The following PXDNL variants were observed in gnomAD, a reference collection of about 807,000 sequenced individuals.
PXDNL encodes probable oxidoreductase PXDNL.
Under a neutral mutation model 150.8 loss-of-function variants are expected in PXDNL, and 145 were observed. The observed-to-expected ratio is 0.96, with a 90% CI of 0.84 to 1.10. PXDNL has a LOEUF of 1.10. Ranked by LOEUF, PXDNL falls within the 50% of genes least tolerant of loss-of-function variation. PXDNL has a pLI of 0.00. For synonymous variants in PXDNL, 757 were observed against 725.7 expected, an observed-to-expected ratio of 1.04 and a Z score of -0.69; for missense variants, 2,087 against 1,873.9, an observed-to-expected ratio of 1.11 and a Z score of -2.10.
chr8:51,405,662 A>G (rs1454383191), intron 17 of PXDNL, among the ~76,000 whole-genome samples: 1 of 152,242 alleles, frequency 6.6e-6, no homozygotes, highest in East Asian at 1.9e-4. Flanking sequence ...AACTGACCGT[A>G]AAAACCATTT....
chr8:51,594,642 A>G (rs1251252394), intron 2 of PXDNL, among the ~76,000 whole-genome samples: 1 of 152,192 alleles, frequency 6.6e-6, no homozygotes, highest in Non-Finnish European at 1.5e-5. Flanking sequence ...TTTATTGCTG[A>G]CAAGAAATCA....
At chr8:51,381,098 A>G (rs959436350) in intron 17 of PXDNL, among the ~76,000 whole-genome samples, 5 of 152,152 alleles carry the variant, frequency 3.3e-5, no homozygotes, top group African/African-American at 9.7e-5. Flanking sequence ...CTTGCCTCGT[A>G]CTGTTATTGT....
At chr8:51,640,924 T>C (rs1563492342) in intron 2 of PXDNL, among the ~76,000 whole-genome samples, 1 of 152,070 alleles carries the variant, frequency 6.6e-6, no homozygotes, top group Non-Finnish European at 1.5e-5. Flanking sequence ...AGAACAAAGC[T>C]GGAGGCATCA....
intron 3 of PXDNL, among the ~76,000 whole-genome samples, chr8:51,559,777 G>A (rs1306971376): frequency 6.6e-6 from 1 of 151,934 alleles, no homozygotes; most frequent in African/African-American, 2.4e-5. Context: ...AAATGAGTGG[G>A]AGAAAGCACC....
At chr8:51,561,247 A>C (rs1340788554) in intron 3 of PXDNL, among the ~76,000 whole-genome samples, 1 of 151,956 alleles carries the variant, frequency 6.6e-6, no homozygotes, top group Non-Finnish European at 1.5e-5. Context: ...TTCCTAGGCA[A>C]ATATACTTCT....
chr8:51,593,666 A>G (rs1307973752), intron 2 of PXDNL, among the ~76,000 whole-genome samples: 1 of 152,182 alleles, frequency 6.6e-6, no homozygotes, highest in Non-Finnish European at 1.5e-5. Context: ...GAGATCCCCA[A>G]GCTCATCTGT....
chr8:51,372,707 T>C (rs573091617), intron 18 of PXDNL, among the ~76,000 whole-genome samples: 1 of 152,348 alleles, frequency 6.6e-6, no homozygotes, highest in African/African-American at 2.4e-5. Flanking sequence ...TTAAATTCCA[T>C]GAACTAACCT....
chr8:51,603,121 T>G (rs1475616304), intron 2 of PXDNL, among the ~76,000 whole-genome samples: 1 of 151,940 alleles, frequency 6.6e-6, no homozygotes, highest in African/African-American at 2.4e-5. Flanking sequence ...CCAACATGTA[T>G]CTGGTTCCCT....
chr8:51,507,281 T>C (rs1811316271), intron 4 of PXDNL, among the ~76,000 whole-genome samples: 1 of 152,214 alleles, frequency 6.6e-6, no homozygotes, highest in Non-Finnish European at 1.5e-5. Context: ...AAAAGGATTC[T>C]CTACCTAACT....
intron 2 of PXDNL, among the ~76,000 whole-genome samples, chr8:51,608,165 A>G (rs1194293948): frequency 4.0e-4 from 60 of 148,458 alleles, no homozygotes; most frequent in Admixed American, 8.0e-4. Context: ...CGAGGTGGGC[A>G]GATCATGAGG....
chr8:51,660,508 G>GTGCCGTC, intron 1 of PXDNL, among the ~76,000 whole-genome samples: 1 of 152,284 alleles, frequency 6.6e-6, no homozygotes, highest in South Asian at 2.1e-4. Context: ...CATTCAGAGA[G>GTGCCGTC]TGCCGTCTTA....
At chr8:51,473,632 T>C (rs1040416872) in intron 7 of PXDNL, among the ~76,000 whole-genome samples, 1 of 151,516 alleles carries the variant, frequency 6.6e-6, no homozygotes, top group Non-Finnish European at 1.5e-5. Flanking sequence ...TTAGGAGATA[T>C]ACCTAATGTT....
At chr8:51,618,020 C>G (rs1814166291) in intron 2 of PXDNL, among the ~76,000 whole-genome samples, 1 of 152,214 alleles carries the variant, frequency 6.6e-6, no homozygotes, top group African/African-American at 2.4e-5. Flanking sequence ...AAAATCCCAC[C>G]ATTTTGAAAG....
intron 4 of PXDNL, among the ~76,000 whole-genome samples, chr8:51,506,554 A>G (rs1430869192): frequency 6.6e-6 from 1 of 150,978 alleles, no homozygotes; most frequent in African/African-American, 2.4e-5. Context: ...AAAAAAAAAA[A>G]AAAAAAAAAA....
chr8:51,630,211 C>T (rs1482077709), intron 2 of PXDNL, among the ~76,000 whole-genome samples: 1 of 152,102 alleles, frequency 6.6e-6, no homozygotes, highest in Non-Finnish European at 1.5e-5. Flanking sequence ...ATAAATAATG[C>T]TGGGATAACT....
intron 1 of PXDNL, among the ~76,000 whole-genome samples, chr8:51,736,929 C>A (rs1188550891): frequency 3.3e-5 from 5 of 152,114 alleles, no homozygotes; most frequent in Non-Finnish European, 7.4e-5. Flanking sequence ...ATTTTTAATA[C>A]CTAAAATGAA....
At chr8:51,621,967 T>G (rs981755657) in intron 2 of PXDNL, among the ~76,000 whole-genome samples, 1 of 141,810 alleles carries the variant, frequency 7.1e-6, no homozygotes. Flanking sequence ...AAAAAAGCAA[T>G]TTTGCAGATG....
At position 51,413,211 on chromosome 8, in the gene PXDNL, G is replaced by C. The variant is rs1460757004; in HGVS notation, c.1843C>G (p.Leu615Val). Residue 615 changes from leucine to valine, a missense_variant, in exon 15 of 23, where the codon CTT becomes GTT. Leu to Val is a conservative substitution (Grantham distance 32). Transcript: ENST00000356297. ...AGDDFVESSI[L>V]DAVQRVDSAI... ...CTGTCAACTCTCTGTACAGCATCAA[G>C]AATGGAAGATTCAACAAAGTCATCG... 5 of 1,612,564 alleles carry C rather than the reference G, an allele frequency of 3.1e-6. No individual in the cohort carries two copies. In the South Asian group the frequency reaches 5.5e-5, roughly 18 times the overall value.
At chr8:51,485,558 T>G (rs1810710809) in intron 5 of PXDNL, among the ~76,000 whole-genome samples, 1 of 152,156 alleles carries the variant, frequency 6.6e-6, no homozygotes, top group African/African-American at 2.4e-5. Context: ...CAGGTGATAT[T>G]TGATCATCAC....
Sources: allele counts gnomAD v4.1 joint callset (sites outside exome capture counted in the v4.1 genomes callset), GRCh38; gene constraint gnomAD v4.1.1; transcripts MANE v1.5; gene names NCBI Gene and HGNC (gene_info 2026-07-23, HGNC 2026-07-21).